FGF12: variants seen among roughly 807,000 people sequenced by gnomAD.
FGF12 encodes the protein fibroblast growth factor 12B.
FGF12 carries 14 observed loss-of-function variants against 23.6 expected under a neutral mutation model. The observed-to-expected ratio is 0.59, with a 90% CI of 0.39 to 0.93. FGF12 has a LOEUF of 0.93. Among genes scored for constraint, FGF12 ranks in the 40% least tolerant of loss-of-function variants. The pLI is 0.00. For synonymous variants in FGF12, 62 were observed against 77.3 expected, an observed-to-expected ratio of 0.80 and a Z score of 1.04; for missense variants, 175 against 217.8, an observed-to-expected ratio of 0.80 and a Z score of 1.24.
At chr3:192,694,594 T>C (rs893966862) in intron 2 of FGF12, among the ~76,000 whole-genome samples, 6 of 151,904 alleles carry the variant, frequency 3.9e-5, no homozygotes, top group Admixed American at 6.6e-5. Context: ...TACGTACATA[T>C]ATACATATAT....
rs1043249538 is a variant in FGF12 at position 192,450,387 on chromosome 3, C to T, written c.14-89849G>A. 3.3e-5 allele frequency among the ~76,000 whole-genome samples: 5 copies of T among 152,230 alleles called. No homozygotes were observed. The South Asian group carries it at 1.0e-3, about 32-fold the overall frequency. ...TTAAGGAGCAAAAAGTGGAGACTGACAATATATCCAATTTTAATCATGTAG... is the reference window on the plus strand; with the variant it reads ...TTAAGGAGCAAAAAGTGGAGACTGATAATATATCCAATTTTAATCATGTAG... On this transcript the variant is annotated intron_variant, in intron 2 of 5. Coordinates refer to ENST00000445105, the MANE Select transcript of FGF12 (RefSeq NM_004113.6).
intron 2 of FGF12, among the ~76,000 whole-genome samples, chr3:192,412,129 C>T (rs1721217973): frequency 6.6e-6 from 1 of 152,104 alleles, no homozygotes; most frequent in Admixed American, 6.6e-5. Context: ...TGTATGTTTG[C>T]AACATAAATA....
chr3:192,342,496 C>T (rs936632279), intron 3 of FGF12, among the ~76,000 whole-genome samples: 1 of 152,060 alleles, frequency 6.6e-6, no homozygotes, highest in Non-Finnish European at 1.5e-5. Context: ...GTCAGCAAGG[C>T]GTGGTGGCTC....
At chr3:192,499,808 A>G (rs1482143083) in intron 2 of FGF12, among the ~76,000 whole-genome samples, 1 of 151,718 alleles carries the variant, frequency 6.6e-6, no homozygotes, top group Non-Finnish European at 1.5e-5. Context: ...TCAGCCTCCC[A>G]AAGTGCTGGG....
At chr3:192,625,380 T>C (rs1206350655) in intron 2 of FGF12, among the ~76,000 whole-genome samples, 1 of 152,178 alleles carries the variant, frequency 6.6e-6, no homozygotes, top group Non-Finnish European at 1.5e-5. Flanking sequence ...AAATGGTATA[T>C]TGATGTTTAA....
intron 4 of FGF12, among the ~76,000 whole-genome samples, chr3:192,333,693 A>G (rs1259267417): frequency 1.3e-5 from 2 of 152,100 alleles, no homozygotes; most frequent in African/African-American, 2.4e-5. Flanking sequence ...ATAAGCAAGT[A>G]TGATGTACCT....
intron 2 of FGF12, among the ~76,000 whole-genome samples, chr3:192,696,817 T>C (rs1359440767): frequency 6.6e-6 from 1 of 152,006 alleles, no homozygotes; most frequent in Non-Finnish European, 1.5e-5. Context: ...GATACAGATG[T>C]GCTGGTTTGT....
At chr3:192,390,790 C>T (rs1235286045) in intron 2 of FGF12, among the ~76,000 whole-genome samples, 2 of 152,116 alleles carry the variant, frequency 1.3e-5, no homozygotes. Context: ...GGGTCCCCAA[C>T]GTGGCAAACA....
chr3:192,164,438 G>A (rs1360327364), intron 5 of FGF12, among the ~76,000 whole-genome samples: 1 of 152,178 alleles, frequency 6.6e-6, no homozygotes, highest in Admixed American at 6.5e-5. Flanking sequence ...CACAGGATGA[G>A]ACGTGAAAGA....
chr3:192,335,945 G>A (rs1717385820), intron 3 of FGF12, among the ~76,000 whole-genome samples: 1 of 152,094 alleles, frequency 6.6e-6, no homozygotes, highest in South Asian at 2.1e-4. Flanking sequence ...GAACACAGAA[G>A]AAGAATGCAA....
intron 2 of FGF12, among the ~76,000 whole-genome samples, chr3:192,616,339 C>T (rs754242818): frequency 1.3e-5 from 2 of 151,966 alleles, no homozygotes; most frequent in African/African-American, 4.8e-5. Flanking sequence ...AAATGGAATA[C>T]CATCAGTGAA....
chr3:192,287,164 G>C (rs1318033555), intron 4 of FGF12, among the ~76,000 whole-genome samples: 2 of 151,926 alleles, frequency 1.3e-5, no homozygotes, highest in African/African-American at 4.8e-5. Context: ...AACGTTCAAT[G>C]TTTAGATCTA....
chr3:192,368,188 T>C (rs1390525691), intron 2 of FGF12, among the ~76,000 whole-genome samples: 2 of 152,092 alleles, frequency 1.3e-5, no homozygotes, highest in African/African-American at 4.8e-5. Flanking sequence ...ACTTCAACTA[T>C]GACTGCTTTA....
chr3:192,150,653 C>G (rs1713999091), intron 5 of FGF12, among the ~76,000 whole-genome samples: 1 of 150,306 alleles, frequency 6.7e-6, no homozygotes, highest in Non-Finnish European at 1.5e-5. Context: ...TCTGAGGGCT[C>G]TATTCTGTTC....
intron 2 of FGF12, among the ~76,000 whole-genome samples, chr3:192,499,968 T>G (rs978229597): frequency 6.6e-6 from 1 of 152,182 alleles, no homozygotes; most frequent in Admixed American, 6.5e-5. Context: ...CTAAAATCTT[T>G]GTTGCAATAA....
In FGF12 at chr3:192,257,644, T is replaced by G. The variant is rs570502315; in HGVS notation, c.228+77717A>C. Among the ~76,000 whole-genome samples the G allele has an allele frequency of 1.2e-3, 177 of 152,254 alleles. 2 individuals carry two copies. The highest frequency in any genetic ancestry group is 4.0e-3 in the African/African-American group (168 of 41,564). ...TTTTGGTGCTGATTTTGCTGATTGGTTGAGTTAACCAAATGTTCTAGTTAT... is the reference window on the plus strand; with the variant it reads ...TTTTGGTGCTGATTTTGCTGATTGGGTGAGTTAACCAAATGTTCTAGTTAT... On this transcript the variant is annotated intron_variant, in intron 4 of 5. Coordinates refer to ENST00000445105, the MANE Select transcript of FGF12 (RefSeq NM_004113.6).
chr3:192,465,155 T>C (rs1469199836), intron 2 of FGF12, among the ~76,000 whole-genome samples: 6 of 152,214 alleles, frequency 3.9e-5, no homozygotes, highest in Non-Finnish European at 8.8e-5. Context: ...AGAAGAATTT[T>C]TACCTTGCAG....
chr3:192,196,809 G>C (rs957660206), intron 4 of FGF12, among the ~76,000 whole-genome samples: 11 of 151,988 alleles, frequency 7.2e-5, no homozygotes, highest in African/African-American at 2.4e-4. Flanking sequence ...GAAGACACAG[G>C]GTAAAATTAT....
chr3:192,408,946 C>G lies in FGF12; in HGVS notation c.14-48408G>C, dbSNP rs569692289. 3.6e-4 allele frequency: 357 copies of G among 984,868 alleles called. No homozygotes were observed. In the African/African-American group the frequency reaches 5.8e-3, roughly 16 times the overall value. 61.0% of individuals were successfully genotyped at this position (984,868 alleles called of 1,614,324 possible). A position where few individuals can be genotyped will look rare whatever the true frequency, so the allele number is the denominator to read the frequency against. Reference sequence around the variant, plus strand: ...GCCGGCCACCCGAGTTCTGGAATTCCGAGAGGCGCGAAGTGGGAGCGGTTA... The same window carrying G: ...GCCGGCCACCCGAGTTCTGGAATTCGGAGAGGCGCGAAGTGGGAGCGGTTA... On this transcript the variant is annotated intron_variant, in intron 2 of 5. Transcript: ENST00000445105. This position sits in a 1 kb window ranked among gnomAD's most constrained non-coding sequence, Gnocchi z 7.3.
Sources: gnomAD v4.1 joint callset for allele counts (sites outside exome capture counted in the v4.1 genomes callset) on GRCh38, gnomAD v4.1.1 for gene constraint, Gnocchi (gnomAD v3.1) non-coding constraint, MANE v1.5 for transcripts, NCBI Gene and HGNC (gene_info 2026-07-23, HGNC 2026-07-21) for gene names.